GIMAP8: variants seen among roughly 807,000 people sequenced by gnomAD.
GIMAP8 encodes GTPase IMAP family member 8.
In GIMAP8, 29 loss-of-function variants were observed where a neutral mutation model predicts 35.6. The ratio of observed to expected loss-of-function variants is 0.81; its 90% confidence interval spans 0.61 to 1.11. The LOEUF is 1.11. Ranked by LOEUF, GIMAP8 falls within the 50% of genes most tolerant of loss-of-function variation. The pLI is 0.00. For synonymous variants in GIMAP8, 335 were observed against 308.7 expected (o/e 1.09, Z -0.89); for missense variants, 811 against 805.0 (o/e 1.01, Z -0.09).
chr7:150,474,231 T>G lies in GIMAP8; in HGVS notation c.902T>G (p.Ile301Ser). ...RSWRKKKVSI[I>S]DAPDISSLKN... ...TGGAGAAAAAAGAAAGTTTCGATCA[T>G]TGATGCTCCGGACATCTCATCTTTA... The change falls in exon 4 of 5, where the codon ATT (isoleucine) becomes AGT (serine). Residue 301 changes from isoleucine to serine, a missense_variant. Physicochemically the swap from Ile to Ser is moderately radical, Grantham distance 142. Transcript: ENST00000307271. The G allele has an allele frequency of 6.2e-7, 1 of 1,614,200 alleles. No homozygotes were observed. Among genetic ancestry groups the G allele is most frequent in the Non-Finnish European group, 8.5e-7 (1 of 1,180,038 alleles).
At chr7:150,459,662 C>T (rs1801803847) in intron 1 of GIMAP8, among the ~76,000 whole-genome samples, 1 of 152,174 alleles carries the variant, frequency 6.6e-6, no homozygotes, top group Non-Finnish European at 1.5e-5. Context: ...CTTCAGAAGG[C>T]CATTCCACTT....
rs1422760077 is a variant in GIMAP8 at position 150,474,009 on chromosome 7, C to A, written c.683-3C>A. ...ACTCTGAACCTGTCCATTTGTCCCA[C>A]AGGCCCAAGGGAAAGGCAGCTGCAG... On this transcript the variant is annotated splice_polypyrimidine_tract_variant and splice_region_variant and intron_variant, in intron 3 of 4. Transcript: ENST00000307271. The A allele has an allele frequency of 3.7e-6, 6 of 1,607,864 alleles. No homozygotes were observed. Among genetic ancestry groups the A allele is most frequent in the Non-Finnish European group, 4.2e-6 (5 of 1,177,164 alleles).
intron 3 of GIMAP8, among the ~76,000 whole-genome samples, chr7:150,471,642 G>T (rs1802091893): frequency 1.3e-5 from 2 of 152,154 alleles, no homozygotes; most frequent in African/African-American, 4.8e-5. Flanking sequence ...TTCAAGACCA[G>T]CTTGGCCAAC....
At chr7:150,460,934 G>A (rs781100516) in intron 1 of GIMAP8, among the ~76,000 whole-genome samples, 5 of 152,218 alleles carry the variant, frequency 3.3e-5, no homozygotes, top group African/African-American at 4.8e-5. Flanking sequence ...CTAAGGCCCA[G>A]CGGCAGGCCA....
chr7:150,467,338 A>G lies in GIMAP8; in HGVS notation c.636+4A>G. The G allele has an allele frequency of 6.2e-7, 1 of 1,605,908 alleles. No individual in the cohort carries two copies. The highest frequency in any genetic ancestry group is 2.2e-5 in the East Asian group (1 of 44,780). Reference sequence around the variant, plus strand: ...AACTGAAGGCAGCAGGTTTCAAGTAAGAATTTTGTTAATATCTTGAAAGAT... The same window carrying G: ...AACTGAAGGCAGCAGGTTTCAAGTAGGAATTTTGTTAATATCTTGAAAGAT... On this transcript the variant is annotated splice_donor_region_variant and intron_variant, in intron 2 of 4. Coordinates refer to ENST00000307271, the MANE Select transcript of GIMAP8 (RefSeq NM_175571.4).
At chr7:150,452,675 G>GATGTATATATATAT (rs1801639182) in intron 1 of GIMAP8, among the ~76,000 whole-genome samples, 10 of 79,656 alleles carry the variant, frequency 1.3e-4, no homozygotes, top group Non-Finnish European at 1.1e-4. Context: ...GTGTGTGTGA[G>GATGTATATATATAT]ATATATATAT....
chr7:150,467,393 G>C, intron 2 of GIMAP8, 59 bp downstream of exon 2: 1 of 1,366,142 alleles, frequency 7.3e-7, no homozygotes, highest in Non-Finnish European at 1.0e-6. Context: ...TGGGATGAAA[G>C]TGGGTATAAA....
chr7:150,477,826 T>A lies in GIMAP8; in HGVS notation c.*46T>A. On this transcript the variant is annotated 3_prime_UTR_variant, in exon 5 of 5. Transcript: ENST00000307271. ...CTCTTCAATTAGAGACACCCTCAGG[T>A]TGGGGGGAGGGGCGGGGCATGGTAC... 1.0e-5 allele frequency: 15 copies of A among 1,502,872 alleles called. No homozygotes were observed. Among genetic ancestry groups the A allele is most frequent in the Non-Finnish European group, 1.3e-5 (14 of 1,099,556 alleles). The allele number at this position is 1,502,872 out of a possible 1,614,324, so 93.1% of individuals were successfully genotyped here.
Position 150,477,278 on chromosome 7 carries a change from A to T in GIMAP8, c.1496A>T (p.Gln499Leu), listed in dbSNP as rs945698342. The change falls in exon 5 of 5, where the codon CAG (glutamine) becomes CTG (leucine). Residue 499 changes from glutamine to leucine, a missense_variant. Transcript: ENST00000307271. Reference sequence around the variant, plus strand: ...GTTGTGGACACTCCTTCCTTCAACCAGATGCTGGATGTCGAAAAGGACCCA... The same window carrying T: ...GTTGTGGACACTCCTTCCTTCAACCTGATGCTGGATGTCGAAAAGGACCCA... ...VVVVDTPSFN[Q>L]MLDVEKDPSR... The T allele has an allele frequency of 3.7e-6, 6 of 1,614,016 alleles. No individual in the cohort carries two copies. The highest frequency in any genetic ancestry group is 5.1e-6 in the Non-Finnish European group (6 of 1,180,010).
rs573973840 is a variant in GIMAP8, at chr7:150,471,088, C to G, written c.682+214C>G. On this transcript the variant is annotated intron_variant, in intron 3 of 4. Transcript: ENST00000307271. The stretch of plus-strand genomic sequence containing the variant: ...AAGTTCCTGGACCCAGCGAGGGTGT[C>G]CTTGGACTTTTCTGAAGTGTTACAG... 5.3e-5 allele frequency among the ~76,000 whole-genome samples: 8 copies of G among 152,296 alleles called. No individual in the cohort carries two copies. In the South Asian group the frequency reaches 1.7e-3, roughly 32 times the overall value.
At chr7:150,470,555 A>T (rs1802064827) in intron 2 of GIMAP8, among the ~76,000 whole-genome samples, 1 of 151,960 alleles carries the variant, frequency 6.6e-6, no homozygotes, top group African/African-American at 2.4e-5. Flanking sequence ...TCCTTTCCAT[A>T]CTGGGAGCAG....
chr7:150,459,640 C>T (rs988110250), intron 1 of GIMAP8, among the ~76,000 whole-genome samples: 2 of 152,188 alleles, frequency 1.3e-5, no homozygotes, highest in Non-Finnish European at 2.9e-5. Context: ...GTAGCTGGTG[C>T]TATAACTGAA....
intron 1 of GIMAP8, among the ~76,000 whole-genome samples, chr7:150,452,447 ATTTC>A (rs1228520648): frequency 2.0e-5 from 3 of 151,152 alleles, no homozygotes; most frequent in African/African-American, 7.3e-5. Context: ...TGGGAAAGAA[ATTTC>A]TTTCTTCTTC....
chr7:150,460,544 C>A (rs984089895), intron 1 of GIMAP8, among the ~76,000 whole-genome samples: 2 of 152,346 alleles, frequency 1.3e-5, no homozygotes, highest in East Asian at 1.9e-4. Flanking sequence ...GGAGGATTTT[C>A]CTTGACTACT....
rs1445926227 is a variant in GIMAP8 at position 150,455,859 on chromosome 7, G to A, written c.-29+4684G>A. Among the ~76,000 whole-genome samples, 4 of 152,172 alleles carry A rather than the reference G, an allele frequency of 2.6e-5. No individual in the cohort carries two copies. In the South Asian group the frequency reaches 8.3e-4, roughly 31 times the overall value. The stretch of plus-strand genomic sequence containing the variant: ...TAAGTGCTCATTTAACAAAGAGTTG[G>A]TCTCTGGGATATTCTGGGAGCTCAG... On this transcript the variant is annotated intron_variant, in intron 1 of 4. Coordinates refer to ENST00000307271, the MANE Select transcript of GIMAP8 (RefSeq NM_175571.4).
At chr7:150,459,953 A>T (rs1801810789) in intron 1 of GIMAP8, among the ~76,000 whole-genome samples, 1 of 152,228 alleles carries the variant, frequency 6.6e-6, no homozygotes, top group Admixed American at 6.5e-5. Context: ...TTCATGACTG[A>T]AGTGGTCCAA....
In GIMAP8 at chr7:150,453,300, C is replaced by G. The variant is rs1024896519; in HGVS notation, c.-29+2125C>G. ...TTGAACCCACCGGAAATATTTTTCC[C>G]CTGGTGGACCGGTTCTGAGGTTCTG... is the stretch of plus-strand genomic sequence containing the variant. On this transcript the variant is annotated intron_variant, in intron 1 of 4. Transcript: ENST00000307271. 2.0e-5 allele frequency among the ~76,000 whole-genome samples: 3 copies of G among 152,276 alleles called. No individual in the cohort carries two copies. The South Asian group carries it at 6.2e-4, about 32-fold the overall frequency.
Position 150,477,500 on chromosome 7 carries a change from G to C in GIMAP8, c.1718G>C (p.Gly573Ala), listed in dbSNP as rs1309379458. The stretch of plus-strand genomic sequence containing the variant: ...ACCCGGAAGGAAGACCTAGGGGCGG[G>C]GAATTTGGAAGACTTCATGAAGAAC... Reference protein sequence around the residue: ...LFTRKEDLGAGNLEDFMKNSD... With the variant: ...LFTRKEDLGAANLEDFMKNSD... Residue 573 changes from glycine to alanine, a missense_variant, in exon 5 of 5, where the codon GGG becomes GCG. Physicochemically the swap from Gly to Ala is moderately conservative, Grantham distance 60 (BLOSUM62 0). Coordinates refer to ENST00000307271, the MANE Select transcript of GIMAP8 (RefSeq NM_175571.4). The C allele has an allele frequency of 6.2e-7, 1 of 1,614,072 alleles. No individual in the cohort carries two copies. Among genetic ancestry groups the C allele is most frequent in the Non-Finnish European group, 8.5e-7 (1 of 1,180,044 alleles).
At chr7:150,467,754 T>C (rs577830821) in intron 2 of GIMAP8, among the ~76,000 whole-genome samples, 1 of 152,272 alleles carries the variant, frequency 6.6e-6, no homozygotes, top group Admixed American at 6.5e-5. Context: ...AGGGCTTGGT[T>C]CTGGCCTTCC....
Sources: gnomAD v4.1 joint callset for allele counts (sites outside exome capture counted in the v4.1 genomes callset) on GRCh38, gnomAD v4.1.1 for gene constraint, MANE v1.5 for transcripts, NCBI Gene and HGNC (gene_info 2026-07-23, HGNC 2026-07-21) for gene names.